SHC4: variants seen among roughly 807,000 people sequenced by gnomAD.
SHC4 encodes SHC-transforming protein 4.
A neutral mutation model predicts 69.4 loss-of-function variants in SHC4; 41 were observed. The observed-to-expected ratio is 0.59, with a 90% CI of 0.46 to 0.77. The LOEUF is 0.77. SHC4 is among the 30% of genes least tolerant of loss of function. The pLI is 0.00. For missense variants in SHC4, 777 were observed against 783.8 expected (o/e 0.99, Z 0.10); for synonymous variants, 318 against 299.3 (o/e 1.06, Z -0.64).
chr15:48,929,251 C>T (rs1900910020), intron 1 of SHC4, among the ~76,000 whole-genome samples: 1 of 152,114 alleles, frequency 6.6e-6, no homozygotes, highest in Non-Finnish European at 1.5e-5. Context: ...AATATCAAGG[C>T]CCGAGAGAGG....
intron 2 of SHC4, among the ~76,000 whole-genome samples, chr15:48,901,835 G>C (rs560684456): frequency 5.3e-5 from 8 of 152,230 alleles, no homozygotes; most frequent in African/African-American, 1.9e-4. Context: ...AATAATAATA[G>C]TGCTTTGAAC....
chr15:48,925,658 C>T lies in SHC4; in HGVS notation c.586-709G>A, dbSNP rs148852623. ...CCATGTATTGCAAAGGGAATTGTGA[C>T]TTATAAAGCTGAAAGATGGTTTATA... On this transcript the variant is annotated intron_variant, in intron 1 of 11. Coordinates refer to ENST00000332408, the MANE Select transcript of SHC4 (RefSeq NM_203349.4). Among the ~76,000 whole-genome samples, 769 of 152,254 alleles carry T rather than the reference C, an allele frequency of 5.1e-3. 4 individuals are homozygous for T. Among genetic ancestry groups the T allele is most frequent in the Non-Finnish European group, 8.0e-3 (544 of 68,022 alleles).
intron 1 of SHC4, among the ~76,000 whole-genome samples, chr15:48,952,769 A>T (rs942900922): frequency 2.6e-5 from 4 of 152,220 alleles, no homozygotes; most frequent in African/African-American, 9.6e-5. Context: ...AAAAAATAAC[A>T]GATGCTGGTG....
chr15:48,951,699 A>G (rs1595768416), intron 1 of SHC4, among the ~76,000 whole-genome samples: 1 of 152,276 alleles, frequency 6.6e-6, no homozygotes, highest in African/African-American at 2.4e-5. Context: ...ATCTCAGCCT[A>G]TGGAAACTCT....
At chr15:48,897,860 T>G (rs892307501) in intron 2 of SHC4, among the ~76,000 whole-genome samples, 5 of 151,978 alleles carry the variant, frequency 3.3e-5, no homozygotes, top group Non-Finnish European at 7.4e-5. Flanking sequence ...AAAATTTTAA[T>G]CACAGCAAGA....
intron 3 of SHC4, among the ~76,000 whole-genome samples, chr15:48,886,064 G>T (rs1362988769): frequency 6.6e-6 from 1 of 152,050 alleles, no homozygotes; most frequent in Non-Finnish European, 1.5e-5. Flanking sequence ...CGAGACCAGC[G>T]TGACCAACAT....
chr15:48,884,157 T>C, intron 4 of SHC4, 91 bp downstream of exon 4: 1 of 1,376,182 alleles, frequency 7.3e-7, no homozygotes, highest in Non-Finnish European at 9.5e-7. Flanking sequence ...GTTGTAGGCA[T>C]ACTCTGTCTA....
At chr15:48,827,648 G>A (rs1004150985) in intron 11 of SHC4, among the ~76,000 whole-genome samples, 8 of 152,118 alleles carry the variant, frequency 5.3e-5, no homozygotes, top group Non-Finnish European at 1.0e-4. Flanking sequence ...CTGTATACAA[G>A]TGTGAAATTA....
chr15:48,845,446 T>C (rs1899069505), intron 9 of SHC4, among the ~76,000 whole-genome samples: 1 of 152,340 alleles, frequency 6.6e-6, no homozygotes, highest in East Asian at 1.9e-4. Context: ...ATCTGTTTTG[T>C]ACATTTTACC....
At chr15:48,960,119 G>C (rs1383415024) in intron 1 of SHC4, among the ~76,000 whole-genome samples, 1 of 152,214 alleles carries the variant, frequency 6.6e-6, no homozygotes, top group Non-Finnish European at 1.5e-5. Flanking sequence ...GGGTCGTGGG[G>C]TCAGCACTTT....
At chr15:48,859,835 C>G (rs1422380004) in intron 6 of SHC4, among the ~76,000 whole-genome samples, 1 of 152,138 alleles carries the variant, frequency 6.6e-6, no homozygotes, top group Non-Finnish European at 1.5e-5. Flanking sequence ...CTAAAAAGTA[C>G]CCTTGGAGAT....
chr15:48,827,260 A>C (rs11633820), intron 11 of SHC4, among the ~76,000 whole-genome samples: 56,902 of 152,098 alleles, frequency 0.37, 11,989 homozygotes, highest in Middle Eastern at 0.49. Context: ...GGAATAATTA[A>C]TATAATTTGA....
chr15:48,932,618 T>C (rs1258270099), intron 1 of SHC4, among the ~76,000 whole-genome samples: 1 of 152,182 alleles, frequency 6.6e-6, no homozygotes, highest in East Asian at 1.9e-4. Flanking sequence ...CTTATCCATG[T>C]CCATCTTATT....
At chr15:48,878,900 G>C in intron 4 of SHC4, 1 of 552,740 alleles carries the variant, frequency 1.8e-6, no homozygotes, top group Non-Finnish European at 3.2e-6. Context: ...CTGCACAGTT[G>C]TGAAAAAGGA....
intron 1 of SHC4, among the ~76,000 whole-genome samples, chr15:48,940,679 T>G (rs986751861): frequency 2.6e-5 from 4 of 152,204 alleles, no homozygotes; most frequent in African/African-American, 9.6e-5. Context: ...GGACTTTGCA[T>G]GTTCAATGTG....
chr15:48,903,289 T>A (rs949005679), intron 2 of SHC4, among the ~76,000 whole-genome samples: 77 of 152,326 alleles, frequency 5.1e-4, no homozygotes, highest in African/African-American at 1.8e-3. Context: ...TGCATTTACT[T>A]TGGCCACAAA....
intron 2 of SHC4, among the ~76,000 whole-genome samples, chr15:48,894,406 T>C (rs1056573055): frequency 3.3e-5 from 5 of 152,080 alleles, no homozygotes; most frequent in African/African-American, 1.2e-4. Context: ...TAATGCAGAG[T>C]AAGTTCCTTC....
chr15:48,867,563 A>G (rs1270638180), intron 6 of SHC4, among the ~76,000 whole-genome samples: 1 of 152,214 alleles, frequency 6.6e-6, no homozygotes, highest in East Asian at 1.9e-4. Flanking sequence ...TCATAACCAT[A>G]ATAGCTTCTC....
chr15:48,834,893 C>T lies in SHC4; in HGVS notation c.1613G>A (p.Ser538Asn). ...AAAGTCCCCATCCTTTACCAAGAGG[C>T]TCTCTGCCGCCTTCCTGCTCAGCTT... ...HGKLSRKAAESLLVKDGDFLV... is the reference protein window; with the variant it reads ...HGKLSRKAAENLLVKDGDFLV... Residue 538 changes from serine (S) to asparagine (N), a missense_variant, in exon 11 of 12, where the codon AGC becomes AAC. Coordinates refer to ENST00000332408, the MANE Select transcript of SHC4 (RefSeq NM_203349.4). The T allele has an allele frequency of 6.2e-7, 1 of 1,614,168 alleles. No individual in the cohort carries two copies. Among genetic ancestry groups the T allele is most frequent in the Non-Finnish European group, 8.5e-7 (1 of 1,180,026 alleles).
Sources: allele counts gnomAD v4.1 joint callset (sites outside exome capture counted in the v4.1 genomes callset), GRCh38; gene constraint gnomAD v4.1.1; transcripts MANE v1.5; gene names NCBI Gene and HGNC (gene_info 2026-07-23, HGNC 2026-07-21).